Variants in IL1RAPL1 observed in about 807,000 individuals in gnomAD.
The protein encoded by IL1RAPL1 is interleukin 1 receptor accessory protein like 1, also known as interleukin-1 receptor accessory protein-like 1.
IL1RAPL1 carries 3 observed loss-of-function variants against 48.4 expected under a neutral mutation model. The ratio of observed to expected loss-of-function variants is 0.06; its 90% CI spans 0.03 to 0.16. IL1RAPL1 has a LOEUF of 0.16. Among genes scored for constraint, IL1RAPL1 ranks in the 10% least tolerant of loss-of-function variants. The probability of loss-of-function intolerance (pLI) is 1.00; values close to 1 mark genes in which losing one functional copy is unlikely to be tolerated. For missense variants in IL1RAPL1, 349 were observed against 530.6 expected, an observed-to-expected ratio of 0.66 and a Z score of 3.36; for synonymous variants, 185 against 187.7, an observed-to-expected ratio of 0.99 and a Z score of 0.12.
At chrX:28,735,885 A>G (rs1935818002) in intron 1 of IL1RAPL1, among the ~76,000 whole-genome samples, 1 of 111,869 alleles carries the variant, frequency 8.9e-6, no homozygotes, top group Non-Finnish European at 1.9e-5. Flanking sequence ...ATTTTTTAGT[A>G]TTAATGATTT....
chrX:29,807,459 G>A (rs1462473363), intron 6 of IL1RAPL1, among the ~76,000 whole-genome samples: 1 of 106,405 alleles, frequency 9.4e-6, no homozygotes, highest in African/African-American at 3.4e-5. Context: ...TCCTAAAAAA[G>A]TAAAAATTAG....
At chrX:29,088,672 CAA>C (rs1182451817) in intron 2 of IL1RAPL1, among the ~76,000 whole-genome samples, 387 of 32,842 alleles carry the variant, frequency 0.012, no homozygotes, top group African/African-American at 0.039. Flanking sequence ...CACTCCTTCT[CAA>C]AAAAAAAAAA....
intron 2 of IL1RAPL1, among the ~76,000 whole-genome samples, chrX:29,060,957 T>C (rs902439746): frequency 4.5e-5 from 5 of 111,450 alleles, no homozygotes; most frequent in Non-Finnish European, 9.4e-5. Flanking sequence ...GGCTTATTTA[T>C]ATATTTCAGA....
intron 1 of IL1RAPL1, among the ~76,000 whole-genome samples, chrX:28,724,330 T>A (rs184884276): frequency 8.9e-5 from 10 of 111,954 alleles, no homozygotes; most frequent in Admixed American, 8.6e-4. Flanking sequence ...GTTGAATTGA[T>A]CCCTTTACCA....
intron 6 of IL1RAPL1, among the ~76,000 whole-genome samples, chrX:29,730,382 T>G (rs1467632022): frequency 2.7e-5 from 3 of 112,328 alleles, no homozygotes; most frequent in South Asian, 3.7e-4. Context: ...TCTCTTATTC[T>G]CCCAATAACT....
chrX:29,622,196 A>G (rs1924483226), intron 5 of IL1RAPL1, among the ~76,000 whole-genome samples: 1 of 112,349 alleles, frequency 8.9e-6, no homozygotes, highest in African/African-American at 3.2e-5. Flanking sequence ...ATAGCTCTCT[A>G]CTTGTGGTAA....
At chrX:29,350,621 C>G (rs866404564) in intron 3 of IL1RAPL1, among the ~76,000 whole-genome samples, 5 of 103,654 alleles carry the variant, frequency 4.8e-5, no homozygotes, top group South Asian at 9.6e-4. Context: ...TGCGTGCACA[C>G]CACACACACA....
intron 2 of IL1RAPL1, among the ~76,000 whole-genome samples, chrX:29,096,399 A>G (rs2147460280): frequency 8.9e-6 from 1 of 112,144 alleles, no homozygotes; most frequent in African/African-American, 3.2e-5. Context: ...CATTATAAAA[A>G]TGCTTACTCG....
At chrX:29,914,203 A>G (rs1003758802) in intron 6 of IL1RAPL1, among the ~76,000 whole-genome samples, 4 of 112,095 alleles carry the variant, frequency 3.6e-5, no homozygotes, top group African/African-American at 9.7e-5. Flanking sequence ...TGCTTCTTAC[A>G]TGGGTGCAGG....
In IL1RAPL1 at chrX:29,954,235, CAAAAAAAAAAAAAAAAAA is replaced by C. The variant is rs34345826; in HGVS notation, c.1202-276_1202-259del. ...TGGACAACTGAGCAAGACTGTGTCC[CAAAAAAAAAAAAAAAAAA>C]AAAAAAAAAAGGAAGTCTGCATTTC... On this transcript the variant is annotated intron_variant, in intron 9 of 10. Transcript: ENST00000378993. 2.3e-4 allele frequency among the ~76,000 whole-genome samples: 7 copies of C among 30,424 alleles called. No homozygotes were observed. In the South Asian group the frequency reaches 0.024, roughly 104 times the overall value. The allele number at this position is 30,424 out of a possible 115,157, so 26.4% of individuals were successfully genotyped here. A position where few individuals can be genotyped will look rare whatever the true frequency, so the allele number is the denominator to read the frequency against.
intron 2 of IL1RAPL1, among the ~76,000 whole-genome samples, chrX:29,130,677 A>T (rs997072931): frequency 8.9e-6 from 1 of 111,828 alleles, no homozygotes; most frequent in African/African-American, 3.3e-5. Context: ...TTACAGTTAA[A>T]TTTGGTATTT....
chrX:29,667,598 G>C (rs1926033178), intron 5 of IL1RAPL1, among the ~76,000 whole-genome samples: 1 of 111,978 alleles, frequency 8.9e-6, no homozygotes, highest in Admixed American at 9.5e-5. Context: ...CTAGATGAAG[G>C]AGAGCTGACT....
At chrX:29,139,365 C>T (rs1041687392) in intron 2 of IL1RAPL1, among the ~76,000 whole-genome samples, 2 of 110,085 alleles carry the variant, frequency 1.8e-5, no homozygotes, top group African/African-American at 3.3e-5. Context: ...AAAAATAGAG[C>T]AGCTATGTTA....
At chrX:29,227,954 T>A (rs1016170460) in intron 2 of IL1RAPL1, among the ~76,000 whole-genome samples, 1 of 111,466 alleles carries the variant, frequency 9.0e-6, no homozygotes, top group Admixed American at 9.5e-5. Context: ...TAAACCAGGT[T>A]GTCTGACTCC....
chrX:29,232,485 T>TA (rs1931219579), intron 2 of IL1RAPL1, among the ~76,000 whole-genome samples: 3 of 112,426 alleles, frequency 2.7e-5, no homozygotes, highest in Non-Finnish European at 3.8e-5. Flanking sequence ...ATTTTTTATA[T>TA]ACTCTGGAAG....
chrX:28,698,042 T>TA (rs2146928597), intron 1 of IL1RAPL1, among the ~76,000 whole-genome samples: 1 of 111,550 alleles, frequency 9.0e-6, no homozygotes, highest in South Asian at 3.7e-4. Flanking sequence ...CCCAGCTATT[T>TA]AAAGTTATCT....
intron 5 of IL1RAPL1, among the ~76,000 whole-genome samples, chrX:29,505,339 A>G (rs978351181): frequency 1.8e-5 from 2 of 111,171 alleles, no homozygotes; most frequent in Non-Finnish European, 3.8e-5. Context: ...TAATTTTACC[A>G]GTGGGTTTTA....
At chrX:28,860,759 G>C (rs1172095861) in intron 2 of IL1RAPL1, among the ~76,000 whole-genome samples, 2 of 111,266 alleles carry the variant, frequency 1.8e-5, no homozygotes, top group African/African-American at 6.5e-5. Context: ...ACCGCACTGC[G>C]CCTGGCCTAT....
chrX:29,197,989 G>A (rs973070669), intron 2 of IL1RAPL1, among the ~76,000 whole-genome samples: 2 of 111,447 alleles, frequency 1.8e-5, no homozygotes, highest in African/African-American at 3.3e-5. Flanking sequence ...GATTACAGGC[G>A]TGAGCCACCG....
Sources: allele counts gnomAD v4.1 joint callset (sites outside exome capture counted in the v4.1 genomes callset), GRCh38; gene constraint gnomAD v4.1.1; transcripts MANE v1.5; gene names NCBI Gene and HGNC (gene_info 2026-07-23, HGNC 2026-07-21).